Variants in SRRT observed in about 807,000 individuals in gnomAD.
The protein encoded by SRRT is serrate, RNA effector molecule, also known as serrate RNA effector molecule homolog.
Under a neutral mutation model 103.2 loss-of-function variants are expected in SRRT, and 32 were observed. The ratio of observed to expected loss-of-function variants is 0.31; its 90% CI spans 0.23 to 0.42. The LOEUF (loss-of-function observed/expected upper bound fraction) is 0.42, where lower values mean the gene tolerates loss of function less well. Among genes scored for constraint, SRRT ranks in the 10% least tolerant of loss-of-function variants. SRRT has a pLI of 1.00. For missense variants in SRRT, 986 were observed against 1,207.5 expected (o/e 0.82, Z 2.72); for synonymous variants, 525 against 449.0 (o/e 1.17, Z -2.14).
chr7:100,881,599 C>A, intron 3 of SRRT, 60 bp from the exon 4 acceptor site: 1 of 1,608,266 alleles, frequency 6.2e-7, no homozygotes, highest in South Asian at 1.1e-5. Context: ...TCTGTCCATC[C>A]TCCATGCTCT....
At chr7:100,879,030 C>T (rs1816031412) in intron 2 of SRRT, among the ~76,000 whole-genome samples, 1 of 151,976 alleles carries the variant, frequency 6.6e-6, no homozygotes, top group Non-Finnish European at 1.5e-5. Flanking sequence ...TCTGGGCTCA[C>T]TGTAACCTCC....
Position 100,884,155 on chromosome 7 carries a change from C to G in SRRT, c.673C>G (p.Leu225Val). The G allele has an allele frequency of 1.2e-6, 2 of 1,613,896 alleles. No individual in the cohort carries two copies. The highest frequency in any genetic ancestry group is 1.7e-6 in the Non-Finnish European group (2 of 1,179,826). The change falls in exon 6 of 20, where the codon CTG (leucine) becomes GTG (valine). Residue 225 changes from leucine (L) to valine (V), a missense_variant. This residue lies in a region of SRRT where 274 missense variants were observed against 358.5 expected (regional missense o/e 0.76). Transcript: ENST00000611405. ...CCTGCAAAACCGACTGAGGGTCTTC[C>G]TGTCCCTCATGGAGACTGGCTGGTT... ...GALQNRLRVFLSLMETGWFDN... is the reference protein window; with the variant it reads ...GALQNRLRVFVSLMETGWFDN...
chr7:100,885,633 T>C lies in SRRT; in HGVS notation c.1318-68T>C. On this transcript the variant is annotated intron_variant, in intron 10 of 19. Coordinates refer to ENST00000611405, the MANE Select transcript of SRRT (RefSeq NM_015908.6). The surrounding 1 kb of genome is among the most constrained non-coding windows in gnomAD (Gnocchi z 4.8). ...TTAGTCCCTAGGGTTCTGAGGGCAG[T>C]GGGGGATTGGAGGAAGAAGCGAATG... 3 of 1,495,974 alleles carry C rather than the reference T, an allele frequency of 2.0e-6. No individual in the cohort carries two copies. Among genetic ancestry groups the C allele is most frequent in the Non-Finnish European group, 2.7e-6 (3 of 1,093,882 alleles). 92.7% of individuals were successfully genotyped at this position (1,495,974 alleles called of 1,614,324 possible).
chr7:100,884,034 A>G (rs1417191592), intron 5 of SRRT, 36 bp from the exon 6 acceptor site: 1 of 1,515,000 alleles, frequency 6.6e-7, no homozygotes, highest in Non-Finnish European at 8.8e-7. Context: ...GCTTCCAATA[A>G]CTGTTTTGTC....
In SRRT at chr7:100,888,613, G is replaced by A. The variant is rs1790425957; in HGVS notation, c.*64G>A. ...GTACTACCTTGTCCTATGAAGCTCTGAGAATTTTTTGTACGATCAGCCTTA... is the reference window on the plus strand; with the variant it reads ...GTACTACCTTGTCCTATGAAGCTCTAAGAATTTTTTGTACGATCAGCCTTA... On this transcript the variant is annotated 3_prime_UTR_variant, in exon 20 of 20. Transcript: ENST00000611405. 1.9e-6 allele frequency: 3 copies of A among 1,605,406 alleles called. No individual in the cohort carries two copies. The highest frequency in any genetic ancestry group is 3.3e-5 in the Admixed American group (2 of 59,920).
Position 100,888,610 on chromosome 7 carries a change from T to G in SRRT, c.*61T>G. 1.2e-6 allele frequency: 2 copies of G among 1,606,222 alleles called. No homozygotes were observed. Among genetic ancestry groups the G allele is most frequent in the South Asian group, 1.1e-5 (1 of 90,854 alleles). On this transcript the variant is annotated 3_prime_UTR_variant, in exon 20 of 20. Transcript: ENST00000611405. ...CTTGTACTACCTTGTCCTATGAAGCTCTGAGAATTTTTTGTACGATCAGCC... is the reference window on the plus strand; with the variant it reads ...CTTGTACTACCTTGTCCTATGAAGCGCTGAGAATTTTTTGTACGATCAGCC...
At chr7:100,875,393 C>T (rs1815570334) in intron 1 of SRRT, 65 bp downstream of exon 1, 3 of 1,362,000 alleles carry the variant, frequency 2.2e-6, no homozygotes, top group Non-Finnish European at 1.9e-6. Flanking sequence ...TCCACGGGGG[C>T]GGGCGCGGAG....
intron 5 of SRRT, among the ~76,000 whole-genome samples, chr7:100,883,820 T>C (rs1026925920): frequency 7.2e-5 from 11 of 152,356 alleles, no homozygotes; most frequent in Non-Finnish European, 1.3e-4. Context: ...CCTGTAGTCA[T>C]TGGTCTTCCC....
intron 13 of SRRT, 24 bp from the exon 14 acceptor site, chr7:100,886,771 A>C: frequency 6.2e-7 from 1 of 1,613,524 alleles, no homozygotes; most frequent in East Asian, 2.2e-5. Flanking sequence ...TCTCTGCCTT[A>C]CTTGCTTCTC....
In SRRT at chr7:100,875,308, A is replaced by G. The variant is rs1033211459; in HGVS notation, c.-39A>G. 4 of 1,101,424 alleles carry G rather than the reference A, an allele frequency of 3.6e-6. No individual in the cohort carries two copies. Among genetic ancestry groups the G allele is most frequent in the Non-Finnish European group, 1.2e-6 (1 of 865,920 alleles). 68.2% of individuals were successfully genotyped at this position (1,101,424 alleles called of 1,614,324 possible). A position where few individuals can be genotyped will look rare whatever the true frequency, so the allele number is the denominator to read the frequency against. On this transcript the variant is annotated 5_prime_UTR_variant, in exon 1 of 20. Coordinates refer to ENST00000611405, the MANE Select transcript of SRRT (RefSeq NM_015908.6). Reference sequence around the variant, plus strand: ...ATCTAGCCCGTCCGAGCGCGAGTCCAACGGCCGCGGCCGCACCAAGGTGGG... The same window carrying G: ...ATCTAGCCCGTCCGAGCGCGAGTCCGACGGCCGCGGCCGCACCAAGGTGGG...
At position 100,887,695 on chromosome 7, in the gene SRRT, C is replaced by G; in HGVS notation, c.2170-8C>G. The stretch of plus-strand genomic sequence containing the variant: ...GGCTGTCCTGACCCCTCTCCTCTCT[C>G]CACCCAGGGTCCTGAGTTTGTGCGC... On this transcript the variant is annotated splice_region_variant and splice_polypyrimidine_tract_variant and intron_variant, in intron 16 of 19. Coordinates refer to ENST00000611405, the MANE Select transcript of SRRT (RefSeq NM_015908.6). The surrounding 1 kb of genome is among the most constrained non-coding windows in gnomAD (Gnocchi z 4.1). The G allele has an allele frequency of 6.2e-7, 1 of 1,602,778 alleles. No individual in the cohort carries two copies. The highest frequency in any genetic ancestry group is 8.5e-7 in the Non-Finnish European group (1 of 1,170,482).
chr7:100,883,476 C>T (rs952052846), intron 5 of SRRT, among the ~76,000 whole-genome samples: 21 of 152,328 alleles, frequency 1.4e-4, no homozygotes, highest in African/African-American at 4.8e-4. Context: ...CCCCTGTGGG[C>T]AGGACCTGAG....
At chr7:100,884,033 A>G in intron 5 of SRRT, 37 bp from the exon 6 acceptor site, 1 of 1,512,978 alleles carries the variant, frequency 6.6e-7, no homozygotes, top group South Asian at 1.3e-5. Flanking sequence ...GGCTTCCAAT[A>G]ACTGTTTTGT....
Position 100,887,594 on chromosome 7 carries a change from G to C in SRRT, c.2169+81G>C. The C allele has an allele frequency of 6.3e-7, 1 of 1,583,036 alleles. No homozygotes were observed. ...GGAAGCCCCCTGGGCAGGGGTGGGGGAACTGCTTACTGCACTGGCAGGCGG... is the reference window on the plus strand; with the variant it reads ...GGAAGCCCCCTGGGCAGGGGTGGGGCAACTGCTTACTGCACTGGCAGGCGG... On this transcript the variant is annotated intron_variant, in intron 16 of 19. Transcript: ENST00000611405. This position sits in a 1 kb window ranked among gnomAD's most constrained non-coding sequence, Gnocchi z 4.1.
At chr7:100,877,674 A>G (rs1210451990) in intron 2 of SRRT, among the ~76,000 whole-genome samples, 1 of 151,358 alleles carries the variant, frequency 6.6e-6, no homozygotes, top group Non-Finnish European at 1.5e-5. Flanking sequence ...GGTGCGTGCC[A>G]CTCTGCCTGG....
chr7:100,886,194 T>A, intron 12 of SRRT, 53 bp from the exon 13 acceptor site: 3 of 1,575,300 alleles, frequency 1.9e-6, no homozygotes, highest in South Asian at 2.3e-5. Context: ...AGCTGCTGTT[T>A]CTCTGGCAAG....
chr7:100,880,235 G>A (rs559456841), intron 2 of SRRT, among the ~76,000 whole-genome samples: 42 of 152,364 alleles, frequency 2.8e-4, no homozygotes, highest in African/African-American at 9.9e-4. Context: ...TGATACAGCA[G>A]AGTGGGGAGC....
chr7:100,881,404 G>A lies in SRRT; in HGVS notation c.242G>A (p.Arg81Lys). Residue 81 changes from arginine (R) to lysine (K), a missense_variant, in exon 3 of 20, where the codon AGG becomes AAG. Physicochemically the swap from Arg to Lys is conservative, Grantham distance 26. Transcript: ENST00000611405. ...HELSPPQKRM[R>K]RDWDEHSSDP... ...CTCAGCCCGCCACAGAAGCGCATGA[G>A]GAGAGACTGGTGAGATGGAGCGGTT... is the stretch of plus-strand genomic sequence containing the variant. 6.2e-7 allele frequency: 1 copy of A among 1,612,518 alleles called. No individual in the cohort carries two copies.
At chr7:100,876,177 A>G (rs574659383) in intron 2 of SRRT, among the ~76,000 whole-genome samples, 1 of 152,148 alleles carries the variant, frequency 6.6e-6, no homozygotes, top group South Asian at 2.1e-4. Flanking sequence ...TTCGAGACAG[A>G]GTCTTGCCCT....
Sources: allele counts gnomAD v4.1 joint callset (sites outside exome capture counted in the v4.1 genomes callset), GRCh38; gene constraint gnomAD v4.1.1; regional missense constraint gnomAD v4.1.1; non-coding constraint Gnocchi (gnomAD v3.1); transcripts MANE v1.5; gene names NCBI Gene and HGNC (gene_info 2026-07-23, HGNC 2026-07-21).